Variants in PARP4 observed in about 807,000 individuals in gnomAD.
PARP4 encodes protein mono-ADP-ribosyltransferase PARP4.
Under a neutral mutation model 187.7 loss-of-function variants are expected in PARP4, and 120 were observed. The observed-to-expected ratio is 0.64, with a 90% confidence interval of 0.55 to 0.74. PARP4 has a LOEUF of 0.74. Among genes scored for constraint, PARP4 ranks in the 30% least tolerant of loss-of-function variants. The pLI is 0.00. For synonymous variants in PARP4, 654 were observed against 740.9 expected, an observed-to-expected ratio of 0.88 and a Z score of 1.90; for missense variants, 1,836 against 2,070.5, an observed-to-expected ratio of 0.89 and a Z score of 2.20.
intron 25 of PARP4, among the ~76,000 whole-genome samples, chr13:24,447,840 T>C (rs1413526326): frequency 6.6e-6 from 1 of 152,118 alleles, no homozygotes; most frequent in Non-Finnish European, 1.5e-5. Context: ...TTGATGTCAT[T>C]AGTCATTAGG....
chr13:24,507,305 G>A (rs1248212339), intron 1 of PARP4, among the ~76,000 whole-genome samples: 1 of 152,242 alleles, frequency 6.6e-6, no homozygotes, highest in Admixed American at 6.5e-5. Context: ...AGCGAGGGCT[G>A]CAAGGGCTGC....
In PARP4 at chr13:24,441,971, A is replaced by G. The variant is rs764798569; in HGVS notation, c.3544-3T>C. 8 of 1,587,588 alleles carry G rather than the reference A, an allele frequency of 5.0e-6. No individual in the cohort carries two copies. The highest frequency in any genetic ancestry group is 6.8e-6 in the Non-Finnish European group (8 of 1,168,704). On this transcript the variant is annotated splice_polypyrimidine_tract_variant and splice_region_variant and intron_variant, in intron 29 of 33. Transcript: ENST00000381989. The stretch of plus-strand genomic sequence containing the variant: ...GGAAAAGGCGACTCATTCTCATCCT[A>G]TATTGAATCACAAATAGATTAAATC...
At chr13:24,506,734 A>G (rs1368903117) in intron 1 of PARP4, among the ~76,000 whole-genome samples, 3 of 152,130 alleles carry the variant, frequency 2.0e-5, no homozygotes, top group Non-Finnish European at 4.4e-5. Context: ...TCCCCACTAG[A>G]CTCAGGAGCC....
intron 4 of PARP4, among the ~76,000 whole-genome samples, chr13:24,499,647 C>A (rs9578749): frequency 6.6e-6 from 1 of 151,838 alleles, no homozygotes; most frequent in Non-Finnish European, 1.5e-5. Flanking sequence ...ATGGTCTCCA[C>A]GCGGCAGAGG....
chr13:24,467,026 T>C (rs929567680), intron 17 of PARP4, among the ~76,000 whole-genome samples: 2 of 152,164 alleles, frequency 1.3e-5, no homozygotes, highest in Admixed American at 6.5e-5. Flanking sequence ...ACAGATTGGA[T>C]AAAGCAGCAA....
In PARP4 at chr13:24,434,795, C is replaced by G; in HGVS notation, c.4346G>C (p.Arg1449Thr). 6.2e-7 allele frequency: 1 copy of G among 1,612,606 alleles called. No homozygotes were observed. Among genetic ancestry groups the G allele is most frequent in the East Asian group, 2.2e-5 (1 of 44,850 alleles). The part of the protein sequence containing the change: ...FSLPTDPDPI[R>T]GFGSYHPSAS... ...AGAGGGATGATAAGACCCAAAACCT[C>G]TGATGGGATCAGGGTCTGTAGGAAG... is the stretch of plus-strand genomic sequence containing the variant. The change falls in exon 31 of 34, where the codon AGA becomes ACA. Residue 1449 changes from arginine to threonine, a missense_variant. This residue lies in a region of PARP4 where 450 missense variants were observed against 439.2 expected (regional missense o/e 1.02). Coordinates refer to ENST00000381989, the MANE Select transcript of PARP4 (RefSeq NM_006437.4).
intron 1 of PARP4, among the ~76,000 whole-genome samples, chr13:24,506,906 CG>C (rs1205294830): frequency 6.6e-6 from 1 of 152,198 alleles, no homozygotes; most frequent in Non-Finnish European, 1.5e-5. Context: ...CCAACTGAGG[CG>C]GGAGAGCTCA....
chr13:24,510,697 A>AT (rs1869971496), intron 1 of PARP4, among the ~76,000 whole-genome samples: 1 of 146,554 alleles, frequency 6.8e-6, no homozygotes, highest in African/African-American at 2.7e-5. Flanking sequence ...GAGTATAAAC[A>AT]TTTTTTAGCC....
At position 24,493,253 on chromosome 13, in the gene PARP4, G is replaced by A. The variant is rs572256876; in HGVS notation, c.879+343C>T. Among the ~76,000 whole-genome samples the A allele has an allele frequency of 5.3e-5, 8 of 152,278 alleles. No homozygotes were observed. In the South Asian group the frequency reaches 1.0e-3, roughly 20 times the overall value. On this transcript the variant is annotated intron_variant, in intron 8 of 33. Coordinates refer to ENST00000381989, the MANE Select transcript of PARP4 (RefSeq NM_006437.4). ...GTGGAGTCACTAGGAAATGGACTGC[G>A]GTTAAGGCATCTGACTGGGGACCAA...
intron 10 of PARP4, 93 bp downstream of exon 10, chr13:24,490,575 G>T: frequency 1.0e-6 from 1 of 982,810 alleles, no homozygotes; most frequent in Non-Finnish European, 1.6e-6. Context: ...TGTTGCTGAA[G>T]ATTATCTAGG....
chr13:24,512,412 G>A (rs1330213663), intron 1 of PARP4, among the ~76,000 whole-genome samples: 2 of 152,224 alleles, frequency 1.3e-5, no homozygotes, highest in East Asian at 3.9e-4. Flanking sequence ...CGCACCGCAC[G>A]GGGTGCGGAG....
At chr13:24,456,734 A>C (rs949344284) in intron 20 of PARP4, among the ~76,000 whole-genome samples, 25 of 152,074 alleles carry the variant, frequency 1.6e-4, no homozygotes, top group African/African-American at 6.0e-4. Context: ...CCCTGTCTCT[A>C]CTAAAAATAC....
At chr13:24,496,447 CA>C (rs1868960211) in intron 6 of PARP4, among the ~76,000 whole-genome samples, 1 of 152,106 alleles carries the variant, frequency 6.6e-6, no homozygotes, top group African/African-American at 2.4e-5. Flanking sequence ...ACTGGGGGCT[CA>C]ATGGTGGGAA....
At chr13:24,488,609 C>A (rs1868455340) in intron 10 of PARP4, among the ~76,000 whole-genome samples, 1 of 152,274 alleles carries the variant, frequency 6.6e-6, no homozygotes, top group Admixed American at 6.5e-5. Flanking sequence ...CCACCTCGGC[C>A]TCCCAAAGTG....
chr13:24,479,548 ACT>A (rs1210271737), intron 12 of PARP4, among the ~76,000 whole-genome samples: 3 of 151,842 alleles, frequency 2.0e-5, no homozygotes, highest in Admixed American at 6.6e-5. Flanking sequence ...ACCAATTGAC[ACT>A]CTGTATCTAG....
chr13:24,479,948 GAAC>G (rs1404210921), intron 12 of PARP4, among the ~76,000 whole-genome samples: 2 of 151,906 alleles, frequency 1.3e-5, no homozygotes, highest in East Asian at 1.9e-4. Flanking sequence ...CGGGAGGAAC[GAAC>G]AACTCCAGAT....
chr13:24,490,923 T>C, intron 9 of PARP4, 95 bp from the exon 10 acceptor site: 1 of 1,134,790 alleles, frequency 8.8e-7, no homozygotes, highest in Non-Finnish European at 1.3e-6. Flanking sequence ...ATAGGAAAAG[T>C]CCATTTTCCC....
At chr13:24,463,921 C>A (rs1872328229) in intron 17 of PARP4, among the ~76,000 whole-genome samples, 1 of 152,142 alleles carries the variant, frequency 6.6e-6, no homozygotes, top group Non-Finnish European at 1.5e-5. Context: ...CCAAAAGCCT[C>A]TTAAGCTGAT....
chr13:24,472,727 G>T (rs1337435719), intron 15 of PARP4, among the ~76,000 whole-genome samples: 1 of 152,078 alleles, frequency 6.6e-6, no homozygotes, highest in African/African-American at 2.4e-5. Context: ...AACCTGCTGC[G>T]AGCTCCTGGC....
Sources: allele counts gnomAD v4.1 joint callset (sites outside exome capture counted in the v4.1 genomes callset), GRCh38; gene constraint gnomAD v4.1.1; regional missense constraint gnomAD v4.1.1; transcripts MANE v1.5; gene names NCBI Gene and HGNC (gene_info 2026-07-23, HGNC 2026-07-21).